The following UMAD1 variants were observed in gnomAD, a reference collection of about 807,000 sequenced individuals.
The protein encoded by UMAD1 is UBAP1-MVB12-associated (UMA)-domain containing protein 1.
Under a neutral mutation model 6.1 loss-of-function variants are expected in UMAD1, and 8 were observed. The ratio of observed to expected loss-of-function variants is 1.30; its 90% CI spans 0.76 to 2.35. The LOEUF is 2.35. UMAD1 is among the 30% of genes most tolerant of loss of function. UMAD1 has a pLI of 0.00. For missense variants in UMAD1, 130 were observed against 78.4 expected (o/e 1.66, Z -2.49); for synonymous variants, 56 against 31.4 (o/e 1.78, Z -2.61).
intron 3 of UMAD1, among the ~76,000 whole-genome samples, chr7:7,818,506 C>A (rs1446938172): frequency 6.6e-6 from 1 of 151,940 alleles, no homozygotes; most frequent in African/African-American, 2.4e-5. Flanking sequence ...AATAAAAAGT[C>A]AAAAAATAAC....
At chr7:7,788,041 C>T (rs970116362) in intron 2 of UMAD1, among the ~76,000 whole-genome samples, 1 of 152,150 alleles carries the variant, frequency 6.6e-6, no homozygotes, top group African/African-American at 2.4e-5. Context: ...GGGAAACAGC[C>T]GTTTAGTCAG....
chr7:7,689,302 G>A (rs1780116489), intron 2 of UMAD1: 1 of 152,176 alleles, frequency 6.6e-6, no homozygotes, highest in South Asian at 2.1e-4. Context: ...AATGGCTGAT[G>A]ATGTTTTATC....
chr7:7,784,956 G>GT (rs996160744), intron 2 of UMAD1, among the ~76,000 whole-genome samples: 4 of 151,984 alleles, frequency 2.6e-5, no homozygotes, highest in African/African-American at 9.7e-5. Context: ...TAGAGACGGG[G>GT]TTTCACCGTG....
At chr7:7,759,141 T>C (rs1230894566) in intron 2 of UMAD1, among the ~76,000 whole-genome samples, 6 of 152,196 alleles carry the variant, frequency 3.9e-5, no homozygotes, top group Non-Finnish European at 7.3e-5. Context: ...CTTCAGTAGA[T>C]TATGCCGGAT....
chr7:7,672,130 T>G (rs1779621758), intron 1 of UMAD1, among the ~76,000 whole-genome samples: 1 of 152,192 alleles, frequency 6.6e-6, no homozygotes, highest in Admixed American at 6.5e-5. Context: ...CTTCTTGGTT[T>G]TCTGCTATGG....
intron 2 of UMAD1, among the ~76,000 whole-genome samples, chr7:7,766,512 A>T (rs1781987749): frequency 6.6e-6 from 1 of 152,220 alleles, no homozygotes; most frequent in African/African-American, 2.4e-5. Flanking sequence ...CTTATAATTT[A>T]TATATTCATA....
intron 2 of UMAD1, among the ~76,000 whole-genome samples, chr7:7,735,002 A>G (rs140333654): frequency 2.6e-5 from 4 of 152,306 alleles, no homozygotes; most frequent in African/African-American, 7.2e-5. Flanking sequence ...TTTAATAAAT[A>G]TAGTGTGAAC....
chr7:7,720,641 A>G, intron 2 of UMAD1, among the ~76,000 whole-genome samples: 1 of 152,234 alleles, frequency 6.6e-6, no homozygotes, highest in East Asian at 1.9e-4. Flanking sequence ...TTGAGAAAAA[A>G]AAGCATCTTC....
At chr7:7,725,931 T>C (rs1781130287) in intron 2 of UMAD1, among the ~76,000 whole-genome samples, 1 of 152,238 alleles carries the variant, frequency 6.6e-6, no homozygotes, top group Non-Finnish European at 1.5e-5. Flanking sequence ...CTACAGCCTC[T>C]TCTTAGGACA....
intron 2 of UMAD1, among the ~76,000 whole-genome samples, chr7:7,677,558 C>T (rs991518111): frequency 6.6e-6 from 1 of 151,954 alleles, no homozygotes; most frequent in African/African-American, 2.4e-5. Context: ...CCTCTAGTAC[C>T]ATCTATGTTG....
At chr7:7,710,741 G>A (rs1265469514) in intron 2 of UMAD1, among the ~76,000 whole-genome samples, 1 of 152,160 alleles carries the variant, frequency 6.6e-6, no homozygotes, top group Non-Finnish European at 1.5e-5. Flanking sequence ...ATAAAACTGA[G>A]TATTTATAGC....
chr7:7,811,045 A>G (rs1214969427), intron 3 of UMAD1, among the ~76,000 whole-genome samples: 1 of 152,152 alleles, frequency 6.6e-6, no homozygotes, highest in Admixed American at 6.6e-5. Flanking sequence ...TCAACCTGTC[A>G]ATGTCATTGA....
intron 2 of UMAD1, among the ~76,000 whole-genome samples, chr7:7,677,384 C>T (rs1279456446): frequency 6.6e-6 from 1 of 151,984 alleles, no homozygotes; most frequent in Non-Finnish European, 1.5e-5. Flanking sequence ...TCATCCATCC[C>T]CATTTTATTT....
chr7:7,707,371 A>G (rs911255931), intron 2 of UMAD1, among the ~76,000 whole-genome samples: 1 of 152,166 alleles, frequency 6.6e-6, no homozygotes, highest in African/African-American at 2.4e-5. Context: ...CTTGCCTTGA[A>G]TGACTTTCCC....
intron 2 of UMAD1, among the ~76,000 whole-genome samples, chr7:7,721,349 A>C (rs1003319928): frequency 6.6e-6 from 1 of 152,174 alleles, no homozygotes; most frequent in African/African-American, 2.4e-5. Flanking sequence ...ATATGTGTGC[A>C]GAGGTTCATG....
chr7:7,783,049 A>G lies in UMAD1; in HGVS notation c.83-18621A>G, dbSNP rs376340934. 1.4e-4 allele frequency among the ~76,000 whole-genome samples: 21 copies of G among 152,258 alleles called. No homozygotes were observed. The South Asian group carries it at 1.7e-3, about 12-fold the overall frequency. The stretch of plus-strand genomic sequence containing the variant: ...TGCCCAACCTAGTGTATAATCTGTT[A>G]TGTGGACCTACATACTCACTGGCAA... On this transcript the variant is annotated intron_variant, in intron 2 of 3. Coordinates refer to ENST00000682710, the MANE Select transcript of UMAD1 (RefSeq NM_001302348.2).
chr7:7,831,183 T>G (rs1046511350), intron 3 of UMAD1, among the ~76,000 whole-genome samples: 12 of 152,186 alleles, frequency 7.9e-5, no homozygotes, highest in Admixed American at 7.2e-4. Flanking sequence ...TGACATTAGT[T>G]TTACTCTGTT....
chr7:7,851,282 C>T (rs1357037919), intron 3 of UMAD1, among the ~76,000 whole-genome samples: 1 of 152,138 alleles, frequency 6.6e-6, no homozygotes, highest in Non-Finnish European at 1.5e-5. Context: ...CGTGGCTATA[C>T]CACATTTTGT....
At chr7:7,689,337 G>A (rs1780117957) in intron 2 of UMAD1, 1 of 152,188 alleles carries the variant, frequency 6.6e-6, no homozygotes, top group East Asian at 1.9e-4. Flanking sequence ...TTGCTTAGGA[G>A]AGCTAGCTTG....
Sources: gnomAD v4.1 joint callset for allele counts (sites outside exome capture counted in the v4.1 genomes callset) on GRCh38, gnomAD v4.1.1 for gene constraint, MANE v1.5 for transcripts, NCBI Gene and HGNC (gene_info 2026-07-23, HGNC 2026-07-21) for gene names.